Variants in SCFD2 observed in about 807,000 individuals in gnomAD.
SCFD2 encodes sec1 family domain containing 2.
In SCFD2, 54 loss-of-function variants were observed where a neutral mutation model predicts 58.9. The ratio of observed to expected loss-of-function variants is 0.92; its 90% CI spans 0.74 to 1.15. The LOEUF (loss-of-function observed/expected upper bound fraction) is 1.15. Ranked by LOEUF, SCFD2 falls within the 50% of genes most tolerant of loss-of-function variation. SCFD2 has a pLI of 0.00. For synonymous variants in SCFD2, 321 were observed against 335.9 expected, an observed-to-expected ratio of 0.96 and a Z score of 0.49; for missense variants, 805 against 836.6, an observed-to-expected ratio of 0.96 and a Z score of 0.47.
At chr4:53,085,350 G>GA (rs1434370115) in intron 5 of SCFD2, among the ~76,000 whole-genome samples, 1 of 151,992 alleles carries the variant, frequency 6.6e-6, no homozygotes, top group Non-Finnish European at 1.5e-5. Flanking sequence ...TGTCTACAAT[G>GA]AAAACTATAA....
At chr4:52,944,412 G>A (rs1157769660) in intron 5 of SCFD2, among the ~76,000 whole-genome samples, 1 of 152,140 alleles carries the variant, frequency 6.6e-6, no homozygotes, top group African/African-American at 2.4e-5. Flanking sequence ...TGGGACTTAA[G>A]AGAAGAACCA....
chr4:53,176,013 T>C (rs1361684500), intron 4 of SCFD2, among the ~76,000 whole-genome samples: 1 of 152,208 alleles, frequency 6.6e-6, no homozygotes, highest in Non-Finnish European at 1.5e-5. Context: ...CACATAGTTG[T>C]CCATTTTCTA....
intron 6 of SCFD2, among the ~76,000 whole-genome samples, chr4:52,910,052 A>G (rs1020792654): frequency 1.3e-5 from 2 of 152,188 alleles, no homozygotes; most frequent in African/African-American, 4.8e-5. Flanking sequence ...ACTATCATCA[A>G]ATAATAATTG....
At chr4:53,114,854 A>G (rs72624191) in intron 5 of SCFD2, among the ~76,000 whole-genome samples, 57,779 of 151,932 alleles carry the variant, frequency 0.38, 11,734 homozygotes, top group Non-Finnish European at 0.44. Context: ...ACTACAATAT[A>G]AAGAGATTTA....
At chr4:53,204,092 C>T (rs1728334462) in intron 4 of SCFD2, among the ~76,000 whole-genome samples, 1 of 152,002 alleles carries the variant, frequency 6.6e-6, no homozygotes, top group Non-Finnish European at 1.5e-5. Context: ...GAAGAAAGAT[C>T]TAATACTGAT....
chr4:53,162,765 G>T (rs994041672), intron 4 of SCFD2, among the ~76,000 whole-genome samples: 1 of 151,204 alleles, frequency 6.6e-6, no homozygotes, highest in Non-Finnish European at 1.5e-5. Context: ...TGAGTTAATG[G>T]GTGCAGCACA....
intron 4 of SCFD2, among the ~76,000 whole-genome samples, chr4:53,259,084 G>C (rs1730747711): frequency 6.6e-6 from 1 of 151,186 alleles, no homozygotes; most frequent in Admixed American, 6.6e-5. Flanking sequence ...TTCTTCTGCT[G>C]ATTTGTTTGA....
In SCFD2 at chr4:52,973,669, T is replaced by A. The variant is rs539155708; in HGVS notation, c.1562-52799A>T. Among the ~76,000 whole-genome samples, 17 of 152,346 alleles carry A rather than the reference T, an allele frequency of 1.1e-4. No homozygotes were observed. In the East Asian group the frequency reaches 3.3e-3, roughly 29 times the overall value. On this transcript the variant is annotated intron_variant, in intron 5 of 8. Transcript: ENST00000401642. ...AGGGAATCCTCCCTCACTCATTTTATGAGGCCAGCATCATCCTGATACCAA... is the reference window on the plus strand; with the variant it reads ...AGGGAATCCTCCCTCACTCATTTTAAGAGGCCAGCATCATCCTGATACCAA...
At chr4:53,020,663 G>A (rs1426089763) in intron 5 of SCFD2, among the ~76,000 whole-genome samples, 1 of 152,162 alleles carries the variant, frequency 6.6e-6, no homozygotes, top group Non-Finnish European at 1.5e-5. Context: ...TGGGTACACA[G>A]TAGCCCACGT....
chr4:53,200,593 T>C (rs934876698), intron 4 of SCFD2, among the ~76,000 whole-genome samples: 6 of 152,146 alleles, frequency 3.9e-5, no homozygotes, highest in African/African-American at 1.2e-4. Context: ...CTGGGCTTCC[T>C]GTTTGAAAAG....
chr4:53,120,352 A>T (rs1324904149), intron 5 of SCFD2, among the ~76,000 whole-genome samples: 2 of 152,158 alleles, frequency 1.3e-5, no homozygotes, highest in African/African-American at 2.4e-5. Context: ...CTATGCTATG[A>T]TCTTACTACT....
At chr4:53,126,267 T>C (rs760578795) in intron 5 of SCFD2, among the ~76,000 whole-genome samples, 2 of 152,190 alleles carry the variant, frequency 1.3e-5, no homozygotes, top group African/African-American at 2.4e-5. Context: ...AGAAAGAAGA[T>C]GAAAGAACAG....
At chr4:52,956,115 T>G in intron 5 of SCFD2, 1 of 456,722 alleles carries the variant, frequency 2.2e-6, no homozygotes, top group Non-Finnish European at 4.4e-6. Flanking sequence ...AGCCTTGGAA[T>G]GAATTTCTCC....
At chr4:53,295,175 A>G (rs1385595547) in intron 3 of SCFD2, among the ~76,000 whole-genome samples, 2 of 152,144 alleles carry the variant, frequency 1.3e-5, no homozygotes, top group Non-Finnish European at 2.9e-5. Flanking sequence ...CAATTCTGTG[A>G]AGAAAGTCAA....
intron 5 of SCFD2, among the ~76,000 whole-genome samples, chr4:53,138,901 C>T (rs1286404911): frequency 2.7e-5 from 4 of 148,690 alleles, no homozygotes; most frequent in East Asian, 4.1e-4. Context: ...CCCCTTTGCA[C>T]GGTCTCCCTC....
intron 5 of SCFD2, among the ~76,000 whole-genome samples, chr4:52,997,743 G>A (rs922187837): frequency 1.3e-5 from 2 of 152,156 alleles, no homozygotes; most frequent in Non-Finnish European, 2.9e-5. Context: ...CACCAACCTA[G>A]ACAGTCAGAT....
chr4:53,129,835 T>A (rs1725736656), intron 5 of SCFD2, among the ~76,000 whole-genome samples: 1 of 152,214 alleles, frequency 6.6e-6, no homozygotes, highest in Non-Finnish European at 1.5e-5. Flanking sequence ...ACTGGTGGCC[T>A]TAATACACCA....
intron 4 of SCFD2, among the ~76,000 whole-genome samples, chr4:53,261,133 C>T (rs1484308648): frequency 1.3e-5 from 2 of 151,880 alleles, no homozygotes; most frequent in African/African-American, 2.4e-5. Flanking sequence ...TGGTTAATGT[C>T]GCTAATATTC....
At chr4:52,894,227 GAACAAA>G (rs1267710811) in intron 7 of SCFD2, among the ~76,000 whole-genome samples, 1 of 151,908 alleles carries the variant, frequency 6.6e-6, no homozygotes, top group African/African-American at 2.4e-5. Context: ...AGAAATGAAA[GAACAAA>G]AAAAGAACTT....
Sources: allele counts gnomAD v4.1 joint callset (sites outside exome capture counted in the v4.1 genomes callset), GRCh38; gene constraint gnomAD v4.1.1; transcripts MANE v1.5; gene names NCBI Gene and HGNC (gene_info 2026-07-23, HGNC 2026-07-21).